The following CA10 variants were observed in gnomAD, a reference collection of about 807,000 sequenced individuals.
The protein encoded by CA10 is carbonic anhydrase 10 (inactive).
A neutral mutation model predicts 44.2 loss-of-function variants in CA10; 14 were observed. The observed-to-expected ratio is 0.32, with a 90% confidence interval of 0.21 to 0.50. CA10 has a LOEUF of 0.50. Among genes scored for constraint, CA10 ranks in the 20% least tolerant of loss-of-function variants. The probability of loss-of-function intolerance (pLI) is 0.99; values close to 1 mark genes in which losing one functional copy is unlikely to be tolerated. For synonymous variants in CA10, 159 were observed against 141.6 expected (o/e 1.12, Z -0.87); for missense variants, 350 against 409.7 (o/e 0.85, Z 1.26).
chr17:51,663,582 T>A (rs888186652), intron 4 of CA10, among the ~76,000 whole-genome samples: 11 of 152,158 alleles, frequency 7.2e-5, no homozygotes, highest in African/African-American at 2.7e-4. Context: ...GATGACAACA[T>A]AACCACTCAA....
intron 3 of CA10, among the ~76,000 whole-genome samples, chr17:51,817,297 C>T (rs1907598691): frequency 6.6e-6 from 1 of 152,164 alleles, no homozygotes; most frequent in Non-Finnish European, 1.5e-5. Context: ...CATTGGTTTA[C>T]ATATTGTCTG....
intron 6 of CA10, among the ~76,000 whole-genome samples, chr17:51,644,366 C>G (rs549397462): frequency 6.6e-6 from 1 of 152,258 alleles, no homozygotes; most frequent in East Asian, 1.9e-4. Context: ...TTAAAGATAT[C>G]TTTAGAAGTG....
At chr17:51,826,867 C>T (rs1908027177) in intron 3 of CA10, among the ~76,000 whole-genome samples, 1 of 152,214 alleles carries the variant, frequency 6.6e-6, no homozygotes, top group Admixed American at 6.5e-5. Context: ...CTAGCCCTCT[C>T]ATTCAAATAG....
chr17:51,813,335 T>C (rs1907446181), intron 3 of CA10, among the ~76,000 whole-genome samples: 1 of 152,218 alleles, frequency 6.6e-6, no homozygotes, highest in Admixed American at 6.5e-5. Context: ...CGGTGCAGGT[T>C]TTTAAATTGC....
intron 4 of CA10, among the ~76,000 whole-genome samples, chr17:51,726,188 C>G (rs145074009): frequency 2.8e-4 from 43 of 152,304 alleles, no homozygotes; most frequent in African/African-American, 9.4e-4. Context: ...TACTCATTCT[C>G]TGTTTATGTA....
In CA10 at chr17:51,649,213, G is replaced by C. The variant is rs1192687640; in HGVS notation, c.603C>G (p.Asn201Lys). 1 of 1,613,320 alleles carries C rather than the reference G, an allele frequency of 6.2e-7. No homozygotes were observed. The highest frequency in any genetic ancestry group is 1.3e-5 in the African/African-American group (1 of 74,926). ...ATGTTATTCTTGTGATAGTATCTCT[G>C]TTGAGCATTCGATTAAGAAATGGGT... ...SSNPFLNRMLNRDTITRITYK... is the reference protein window; with the variant it reads ...SSNPFLNRMLKRDTITRITYK... The change falls in exon 6 of 9, where the codon AAC becomes AAG. Residue 201 changes from asparagine to lysine, a missense_variant. By Grantham distance (94) the Asn-to-Lys change is moderately conservative. Coordinates refer to ENST00000451037, the MANE Select transcript of CA10 (RefSeq NM_020178.5).
chr17:51,706,174 AG>A (rs1915757596), intron 4 of CA10, among the ~76,000 whole-genome samples: 1 of 152,208 alleles, frequency 6.6e-6, no homozygotes, highest in Non-Finnish European at 1.5e-5. Context: ...GAAGAAACGG[AG>A]GATGTAAGCT....
rs1419145114 is a variant in CA10, at chr17:51,631,356, G to A, written c.*228C>T. ...TGTGTGTGTAGGTATGTTTGCATGTGTTTGTATGTATGTGCAAGTGCTTGT... is the reference window on the plus strand; with the variant it reads ...TGTGTGTGTAGGTATGTTTGCATGTATTTGTATGTATGTGCAAGTGCTTGT... On this transcript the variant is annotated 3_prime_UTR_variant, in exon 9 of 9. Coordinates refer to ENST00000451037, the MANE Select transcript of CA10 (RefSeq NM_020178.5). 1 of 591,190 alleles carries A rather than the reference G, an allele frequency of 1.7e-6. No homozygotes were observed. The highest frequency in any genetic ancestry group is 2.8e-5 in the East Asian group (1 of 36,000). The allele number at this position is 591,190 out of a possible 1,614,324, so 36.6% of individuals were successfully genotyped here.
In CA10 at chr17:51,703,624, T is replaced by G. The variant is rs182772432; in HGVS notation, c.465+44009A>C. Among the ~76,000 whole-genome samples the G allele has an allele frequency of 2.5e-3, 378 of 152,288 alleles. 2 individuals are homozygous for G. The highest frequency in any genetic ancestry group is 8.8e-3 in the African/African-American group (366 of 41,570). On this transcript the variant is annotated intron_variant, in intron 4 of 8. Transcript: ENST00000451037. ...CCATACTGTTGACACTCAAGTAATA[T>G]TTCATCAGCATTCCATTCAGGGTCC...
chr17:52,123,834 C>T (rs373077959), intron 1 of CA10, among the ~76,000 whole-genome samples: 2 of 151,884 alleles, frequency 1.3e-5, no homozygotes, highest in East Asian at 1.9e-4. Flanking sequence ...TTTTAACATC[C>T]GAATAAACTT....
At chr17:52,067,980 T>G (rs533488232) in intron 2 of CA10, among the ~76,000 whole-genome samples, 1 of 152,192 alleles carries the variant, frequency 6.6e-6, no homozygotes, top group Admixed American at 6.5e-5. Flanking sequence ...GACTGTGGAC[T>G]TTTGAGTTAA....
chr17:52,101,094 G>A (rs1988527923), intron 1 of CA10, among the ~76,000 whole-genome samples: 2 of 152,162 alleles, frequency 1.3e-5, no homozygotes, highest in Admixed American at 1.3e-4. Context: ...TGAGAATAAT[G>A]TAAGCTGATG....
intron 2 of CA10, among the ~76,000 whole-genome samples, chr17:51,998,720 C>T (rs1985322948): frequency 6.6e-6 from 1 of 151,952 alleles, no homozygotes; most frequent in Admixed American, 6.6e-5. Context: ...TAAAATCACA[C>T]TGTGTAGTTT....
At chr17:51,798,521 CTTGAGAGAT>C (rs1217303081) in intron 3 of CA10, among the ~76,000 whole-genome samples, 5 of 152,206 alleles carry the variant, frequency 3.3e-5, no homozygotes, top group Non-Finnish European at 7.3e-5. Flanking sequence ...AATAATTTTA[CTTGAGAGAT>C]GCAGCTTAAG....
intron 3 of CA10, among the ~76,000 whole-genome samples, chr17:51,854,561 T>C (rs553143015): frequency 6.6e-6 from 1 of 152,266 alleles, no homozygotes; most frequent in South Asian, 2.1e-4. Context: ...GAGGAGTCAC[T>C]TCCTAATGAA....
At chr17:51,757,033 C>T (rs1474997037) in intron 3 of CA10, among the ~76,000 whole-genome samples, 1 of 152,180 alleles carries the variant, frequency 6.6e-6, no homozygotes, top group Non-Finnish European at 1.5e-5. Context: ...ATTCAACGGC[C>T]GTGTCATGAA....
intron 1 of CA10, among the ~76,000 whole-genome samples, chr17:52,155,709 T>C (rs1989790026): frequency 1.3e-5 from 2 of 152,230 alleles, no homozygotes; most frequent in Admixed American, 1.3e-4. Flanking sequence ...AGATCCTAAC[T>C]AGGCATTTGG....
At chr17:51,934,214 C>T (rs957270144) in intron 2 of CA10, among the ~76,000 whole-genome samples, 2 of 152,036 alleles carry the variant, frequency 1.3e-5, no homozygotes, top group Admixed American at 1.3e-4. Context: ...CCTTAGAGAT[C>T]GTCTGACTTA....
At chr17:51,649,291 A>G (rs772447625) in intron 5 of CA10, 37 bp from the exon 6 acceptor site, 1 of 1,428,746 alleles carries the variant, frequency 7.0e-7, no homozygotes, top group Non-Finnish European at 9.9e-7. Context: ...ACTGGGCATC[A>G]CTCTTGCAGG....
Sources: gnomAD v4.1 joint callset for allele counts (sites outside exome capture counted in the v4.1 genomes callset) on GRCh38, gnomAD v4.1.1 for gene constraint, MANE v1.5 for transcripts, NCBI Gene and HGNC (gene_info 2026-07-23, HGNC 2026-07-21) for gene names.